ADGRB1: variants seen among roughly 807,000 people sequenced by gnomAD.
ADGRB1 encodes brain-specific angiogenesis inhibitor 1.
In ADGRB1, 36 loss-of-function variants were observed where a neutral mutation model predicts 175.7. The ratio of observed to expected loss-of-function variants is 0.20; its 90% CI spans 0.16 to 0.27. ADGRB1 has a LOEUF of 0.27. Ranked by LOEUF, ADGRB1 falls within the 10% of genes least tolerant of loss-of-function variation. ADGRB1 has a pLI of 1.00. For missense variants in ADGRB1, 1,731 were observed against 2,255.3 expected (o/e 0.77, Z 4.71); for synonymous variants, 1,054 against 979.4 (o/e 1.08, Z -1.42).
At chr8:142,479,933 G>A in intron 9 of ADGRB1, 139 bp downstream of exon 9, 1 of 916,354 alleles carries the variant, frequency 1.1e-6, no homozygotes, top group East Asian at 2.6e-5. Flanking sequence ...GCGGGGTGGT[G>A]GGGCCGCGAG....
At chr8:142,531,782 A>C (rs948264564) in intron 24 of ADGRB1, among the ~76,000 whole-genome samples, 1 of 152,180 alleles carries the variant, frequency 6.6e-6, no homozygotes, top group African/African-American at 2.4e-5. Flanking sequence ...GAAGAAAAGC[A>C]GACCAAGGCC....
At chr8:142,483,440 G>C (rs1443353057) in intron 11 of ADGRB1, among the ~76,000 whole-genome samples, 2 of 133,856 alleles carry the variant, frequency 1.5e-5, no homozygotes, top group Admixed American at 7.5e-5. Flanking sequence ...CTGGTCACAT[G>C]CTGAGTCCTG....
chr8:142,526,678 A>G (rs542342180), intron 24 of ADGRB1, 51 bp downstream of exon 24: 9 of 1,522,800 alleles, frequency 5.9e-6, no homozygotes, highest in African/African-American at 4.1e-5. Context: ...CAAGACCCAG[A>G]GCCCACCCAG....
rs766579872 is a variant in ADGRB1 at position 142,526,507 on chromosome 8, C to T, written c.3313-35C>T. ...TCAGCCCCTGAGCCTACGGCGGCCC[C>T]CACCCCCACACCCCCACCACTCTCT... On this transcript the variant is annotated intron_variant, in intron 23 of 30. Transcript: ENST00000517894. 2.8e-5 allele frequency: 36 copies of T among 1,298,616 alleles called. 1 individual carries two copies. The highest frequency in any genetic ancestry group is 3.9e-5 in the Non-Finnish European group (36 of 917,552). The allele number at this position is 1,298,616 out of a possible 1,614,324, so 80.4% of individuals were successfully genotyped here.
intron 27 of ADGRB1, among the ~76,000 whole-genome samples, chr8:142,540,957 TAG>T (rs1377071235): frequency 6.6e-6 from 1 of 151,980 alleles, no homozygotes; most frequent in Non-Finnish European, 1.5e-5. Flanking sequence ...GACCCCTGGC[TAG>T]GCAGCTTGGG....
chr8:142,518,940 T>C (rs1587396644), intron 19 of ADGRB1, among the ~76,000 whole-genome samples: 1 of 152,294 alleles, frequency 6.6e-6, no homozygotes. Flanking sequence ...TGTCAGCCGA[T>C]AATCGGAACT....
chr8:142,454,015 T>C (rs1418893217), intron 1 of ADGRB1, among the ~76,000 whole-genome samples: 1 of 152,144 alleles, frequency 6.6e-6, no homozygotes, highest in East Asian at 1.9e-4. Flanking sequence ...GGACCAGACC[T>C]GAGCCCTGAA....
At position 142,542,544 on chromosome 8, in the gene ADGRB1, C is replaced by G. The variant is rs1845340060; in HGVS notation, c.4310C>G (p.Pro1437Arg). Residue 1437 changes from proline to arginine, a missense_variant, in exon 28 of 31, where the codon CCC (proline) becomes CGC (arginine). Pro to Arg is a moderately radical substitution (Grantham distance 103). Coordinates refer to ENST00000517894, the MANE Select transcript of ADGRB1 (RefSeq NM_001702.3). This position sits in a 1 kb window ranked among gnomAD's most constrained non-coding sequence, Gnocchi z 6.3. ...CCGCCCAATCTGGAGCCGGCACCCC[C>G]CAGCCTGGGGGATCCCGGGGAGCCT... ...PPPPNLEPAP[P>R]SLGDPGEPAA... 4 of 1,519,994 alleles carry G rather than the reference C, an allele frequency of 2.6e-6. No homozygotes were observed. Among genetic ancestry groups the G allele is most frequent in the African/African-American group, 1.4e-5 (1 of 69,772 alleles). 94.2% of individuals were successfully genotyped at this position (1,519,994 alleles called of 1,614,324 possible). A position where few individuals can be genotyped will look rare whatever the true frequency, so the allele number is the denominator to read the frequency against.
In ADGRB1 at chr8:142,449,768, G is replaced by T. The variant is rs2131593384; in HGVS notation, c.-556G>T. 6.8e-6 allele frequency: 1 copy of T among 146,672 alleles called. No individual in the cohort carries two copies. The highest frequency in any genetic ancestry group is 2.5e-5 in the African/African-American group (1 of 40,726). 9.1% of individuals were successfully genotyped at this position (146,672 alleles called of 1,614,324 possible). Reference sequence around the variant, plus strand: ...GCGGCCCCGGCGGAGCGAGCGCGGAGCCGGAGAGCCGGGAGCACAGGCGGC... The same window carrying T: ...GCGGCCCCGGCGGAGCGAGCGCGGATCCGGAGAGCCGGGAGCACAGGCGGC... On this transcript the variant is annotated 5_prime_UTR_variant, in exon 1 of 31. Coordinates refer to ENST00000517894, the MANE Select transcript of ADGRB1 (RefSeq NM_001702.3).
intron 17 of ADGRB1, among the ~76,000 whole-genome samples, chr8:142,497,586 GGGA>G (rs1460827842): frequency 1.3e-5 from 2 of 152,200 alleles, no homozygotes; most frequent in East Asian, 3.8e-4. Context: ...TGATTGAGGA[GGGA>G]GGAGGAGGAT....
intron 2 of ADGRB1, among the ~76,000 whole-genome samples, chr8:142,469,538 AGT>A: frequency 1.2e-5 from 1 of 80,658 alleles, no homozygotes; most frequent in South Asian, 3.7e-4. Context: ...TGTGAATGTG[AGT>A]GTATGCACGT....
chr8:142,541,864 C>T (rs1845290163), intron 27 of ADGRB1, 77 bp from the exon 28 acceptor site: 4 of 1,411,112 alleles, frequency 2.8e-6, no homozygotes, highest in South Asian at 2.8e-5. Flanking sequence ...AGACTGGGCC[C>T]CTCTCCTGCT....
intron 14 of ADGRB1, 83 bp from the exon 15 acceptor site, chr8:142,488,952 A>T: frequency 6.7e-7 from 1 of 1,486,812 alleles, no homozygotes; most frequent in Non-Finnish European, 9.2e-7. Flanking sequence ...GATGCCAGTG[A>T]CAGCGGGGTC....
rs757538287 is a variant in ADGRB1 at position 142,543,008 on chromosome 8, G to A, written c.4413+361G>A. On this transcript the variant is annotated intron_variant, in intron 28 of 30. Coordinates refer to ENST00000517894, the MANE Select transcript of ADGRB1 (RefSeq NM_001702.3). This position sits in a 1 kb window ranked among gnomAD's most constrained non-coding sequence, Gnocchi z 4.4. ...CAGCTGACCCAGCCTCAGTCAGCCT[G>A]TAGGATGTTGTTTTTGGGGGAGCCC... is the stretch of plus-strand genomic sequence containing the variant. 9.2e-5 allele frequency among the ~76,000 whole-genome samples: 14 copies of A among 152,202 alleles called. No individual in the cohort carries two copies. The highest frequency in any genetic ancestry group is 1.6e-4 in the Non-Finnish European group (11 of 68,024).
At chr8:142,482,076 A>ACATGCTGAGCCCCG (rs1563698046) in intron 11 of ADGRB1, among the ~76,000 whole-genome samples, 2 of 43,066 alleles carry the variant, frequency 4.6e-5, no homozygotes, top group African/African-American at 1.1e-4. Flanking sequence ...GCTGAGCCCC[A>ACATGCTGAGCCCCG]ACCCTGGTCA....
chr8:142,457,536 C>T (rs571305428), intron 1 of ADGRB1, among the ~76,000 whole-genome samples: 7 of 152,010 alleles, frequency 4.6e-5, no homozygotes, highest in Admixed American at 3.3e-4. Flanking sequence ...CCCTTGGGGG[C>T]GCACCCCCAG....
rs763974315 is a variant in ADGRB1 at position 142,539,377 on chromosome 8, G to C, written c.3670G>C (p.Asp1224His). ...CCCTGTTGTCTCTGTCCTACAGACC[G>C]ACTTCGAGAAGGACGTGGATCTGGC... ...FQNGHAQLMT[D>H]FEKDVDLACR... is the part of the protein sequence containing the mutation. Residue 1224 changes from aspartate (D) to histidine (H), a missense_variant, in exon 27 of 31, where the codon GAC becomes CAC. This residue lies in a region of ADGRB1 where 301 missense variants were observed against 488.4 expected (regional missense o/e 0.62). Coordinates refer to ENST00000517894, the MANE Select transcript of ADGRB1 (RefSeq NM_001702.3). The C allele has an allele frequency of 1.3e-6, 2 of 1,591,666 alleles. No individual in the cohort carries two copies. Among genetic ancestry groups the C allele is most frequent in the Non-Finnish European group, 1.7e-6 (2 of 1,170,110 alleles).
chr8:142,464,169 C>A lies in ADGRB1; in HGVS notation c.-30C>A, dbSNP rs1166669284. The A allele has an allele frequency of 1.1e-5, 14 of 1,255,806 alleles. No individual in the cohort carries two copies. Among genetic ancestry groups the A allele is most frequent in the Non-Finnish European group, 1.3e-5 (13 of 1,004,996 alleles). The allele number at this position is 1,255,806 out of a possible 1,614,324, so 77.8% of individuals were successfully genotyped here. A position where few individuals can be genotyped will look rare whatever the true frequency, so the allele number is the denominator to read the frequency against. ...CTGGTCCGCGCCTGCCTGCCCAGCC[C>A]GCGGAACCCCGGCGGCCCCGCGAGC... On this transcript the variant is annotated 5_prime_UTR_variant, in exon 2 of 31. Transcript: ENST00000517894.
intron 19 of ADGRB1, among the ~76,000 whole-genome samples, chr8:142,519,013 G>A (rs1473612426): frequency 6.6e-6 from 1 of 152,112 alleles, no homozygotes; most frequent in Non-Finnish European, 1.5e-5. Context: ...GGGGGAGGGT[G>A]GCCGAGCTTT....
Sources: gnomAD v4.1 joint callset for allele counts (sites outside exome capture counted in the v4.1 genomes callset) on GRCh38, gnomAD v4.1.1 for gene constraint, gnomAD v4.1.1 regional missense constraint, Gnocchi (gnomAD v3.1) non-coding constraint, MANE v1.5 for transcripts, NCBI Gene and HGNC (gene_info 2026-07-23, HGNC 2026-07-21) for gene names.